Variants in MIER2 observed in about 807,000 individuals in gnomAD.
MIER2 encodes mesoderm induction early response protein 2.
Under a neutral mutation model 67.6 loss-of-function variants are expected in MIER2, and 30 were observed. The ratio of observed to expected loss-of-function variants is 0.44; its 90% CI spans 0.33 to 0.60. The LOEUF (loss-of-function observed/expected upper bound fraction) is 0.60. MIER2 is among the 20% of genes least tolerant of loss of function. The pLI, the probability that MIER2 is intolerant of heterozygous loss-of-function variation, is 0.02. For missense variants in MIER2, 702 were observed against 745.1 expected (o/e 0.94, Z 0.67); for synonymous variants, 372 against 312.6 (o/e 1.19, Z -2.00).
At position 338,097 on chromosome 19, in the gene MIER2, A is replaced by G. The variant is rs866706135; in HGVS notation, c.10-1924T>C. ...TGAGGCAGGAGGATCGCTTGAACCC[A>G]GGAGGCAGAGGTTGCAGTGAGCCGA... On this transcript the variant is annotated intron_variant, in intron 1 of 13. Coordinates refer to ENST00000264819, the MANE Select transcript of MIER2 (RefSeq NM_017550.3). Among the ~76,000 whole-genome samples the G allele has an allele frequency of 9.8e-4, 123 of 125,164 alleles. 1 individual carries two copies. Among genetic ancestry groups the G allele is most frequent in the African/African-American group, 3.3e-3 (111 of 33,322 alleles). The allele number at this position is 125,164 out of a possible 152,430, so 82.1% of individuals were successfully genotyped here. A position where few individuals can be genotyped will look rare whatever the true frequency, so the allele number is the denominator to read the frequency against.
chr19:311,793 C>A (rs1336374605), intron 10 of MIER2, 52 bp downstream of exon 10: 3 of 1,579,892 alleles, frequency 1.9e-6, no homozygotes, highest in Non-Finnish European at 2.6e-6. Context: ...GGACCCTGAG[C>A]CCCTCCCCAG....
chr19:341,813 A>G (rs1383699534), intron 1 of MIER2, among the ~76,000 whole-genome samples: 1 of 152,198 alleles, frequency 6.6e-6, no homozygotes, highest in Non-Finnish European at 1.5e-5. Context: ...TCCAGAGGAC[A>G]ACAGGCCACA....
At chr19:325,056 A>G (rs1041435802) in intron 7 of MIER2, among the ~76,000 whole-genome samples, 1 of 152,194 alleles carries the variant, frequency 6.6e-6, no homozygotes, top group Admixed American at 6.5e-5. Flanking sequence ...CACCTTGGAG[A>G]AGGCTCCTGA....
At chr19:310,418 C>G (rs964896189) in intron 10 of MIER2, among the ~76,000 whole-genome samples, 1 of 152,258 alleles carries the variant, frequency 6.6e-6, no homozygotes, top group African/African-American at 2.4e-5. Context: ...CGCACTGGCT[C>G]AGGCTGACCA....
At chr19:336,331 G>A (rs1292797138) in intron 1 of MIER2, 158 bp from the exon 2 acceptor site, 1 of 625,940 alleles carries the variant, frequency 1.6e-6, no homozygotes, top group Non-Finnish European at 2.8e-6. Flanking sequence ...GGCACTAGGA[G>A]CAGCACACGC....
intron 7 of MIER2, 64 bp from the exon 8 acceptor site, chr19:313,707 C>T: frequency 1.3e-6 from 2 of 1,563,408 alleles, no homozygotes; most frequent in Admixed American, 1.8e-5. Flanking sequence ...CACGCCAGGA[C>T]AAGCAAAGCA....
In MIER2 at chr19:324,257, A is replaced by G. The variant is rs192057061; in HGVS notation, c.655+1378T>C. Reference sequence around the variant, plus strand: ...ATACACAAGACACACACAACCACGCAGACAACTCGAATGACACAGGTGTCA... The same window carrying G: ...ATACACAAGACACACACAACCACGCGGACAACTCGAATGACACAGGTGTCA... On this transcript the variant is annotated intron_variant, in intron 7 of 13. Coordinates refer to ENST00000264819, the MANE Select transcript of MIER2 (RefSeq NM_017550.3). Among the ~76,000 whole-genome samples, 1,261 of 138,146 alleles carry G rather than the reference A, an allele frequency of 9.1e-3. 113 individuals carry two copies. The highest frequency in any genetic ancestry group is 0.035 in the African/African-American group (1,177 of 33,652). 90.6% of individuals were successfully genotyped at this position (138,146 alleles called of 152,430 possible). A position where few individuals can be genotyped will look rare whatever the true frequency, so the allele number is the denominator to read the frequency against.
At chr19:342,748 A>G (rs1255256660) in intron 1 of MIER2, among the ~76,000 whole-genome samples, 1 of 151,840 alleles carries the variant, frequency 6.6e-6, no homozygotes. Context: ...TACGGGTTAA[A>G]AACAGTGGAA....
intron 1 of MIER2, chr19:340,747 A>C (rs895728948): frequency 6.6e-6 from 1 of 152,538 alleles, no homozygotes; most frequent in Non-Finnish European, 1.5e-5. Context: ...CTGGCCCTGG[A>C]GTGACTCTGG....
chr19:319,358 T>TCA (rs201773231), intron 7 of MIER2, among the ~76,000 whole-genome samples: 2 of 152,008 alleles, frequency 1.3e-5, no homozygotes, highest in Admixed American at 6.6e-5. Flanking sequence ...CGAGACCCTG[T>TCA]CACACACACA....
chr19:320,282 G>A (rs1971445499), intron 7 of MIER2, among the ~76,000 whole-genome samples: 1 of 152,112 alleles, frequency 6.6e-6, no homozygotes, highest in Admixed American at 6.5e-5. Context: ...TCGGGAGACT[G>A]CAGCACGAGA....
chr19:317,301 G>A (rs1451907547), intron 7 of MIER2, among the ~76,000 whole-genome samples: 1 of 152,024 alleles, frequency 6.6e-6, no homozygotes, highest in Admixed American at 6.6e-5. Context: ...GCTGAGGCGG[G>A]CGGATCACGA....
In MIER2 at chr19:308,754, C is replaced by A. The variant is rs376365447; in HGVS notation, c.1109+47G>T. On this transcript the variant is annotated intron_variant, in intron 11 of 13. Transcript: ENST00000264819. The surrounding 1 kb of genome is among the most constrained non-coding windows in gnomAD (Gnocchi z 9.1). ...GCCCAGGCGCCCACGTGCCCACCCC[C>A]GGCGGGGTGGCCGCCTGTCGTTACT... The A allele has an allele frequency of 6.3e-7, 1 of 1,593,166 alleles. No individual in the cohort carries two copies. The highest frequency in any genetic ancestry group is 1.7e-5 in the Admixed American group (1 of 59,226).
intron 3 of MIER2, among the ~76,000 whole-genome samples, chr19:333,124 C>A (rs1972097778): frequency 1.1e-5 from 1 of 93,168 alleles, no homozygotes; most frequent in Admixed American, 1.2e-4. Context: ...TCCCGAGTAG[C>A]TGGGACTACA....
intron 1 of MIER2, among the ~76,000 whole-genome samples, chr19:337,496 G>A (rs1157733316): frequency 1.2e-4 from 18 of 152,138 alleles, no homozygotes; most frequent in Admixed American, 1.1e-3. Context: ...GCACCACAAC[G>A]TGTACTCTCA....
At chr19:322,990 G>C (rs528678013) in intron 7 of MIER2, among the ~76,000 whole-genome samples, 1 of 149,596 alleles carries the variant, frequency 6.7e-6, no homozygotes, top group South Asian at 2.1e-4. Context: ...CAAAAACCAT[G>C]GCATCCAAAC....
At chr19:327,035 G>A in intron 5 of MIER2, 98 bp downstream of exon 5, 6 of 1,474,626 alleles carry the variant, frequency 4.1e-6, no homozygotes, top group Non-Finnish European at 5.4e-6. Flanking sequence ...TCTGTGATGA[G>A]TTCTTGGCCT....
At chr19:328,888 A>G (rs1344260180) in intron 3 of MIER2, among the ~76,000 whole-genome samples, 1 of 152,264 alleles carries the variant, frequency 6.6e-6, no homozygotes, top group East Asian at 1.9e-4. Context: ...TGATTAACGA[A>G]CACTGTTTTG....
At chr19:323,109 C>T (rs1030328811) in intron 7 of MIER2, among the ~76,000 whole-genome samples, 2 of 151,874 alleles carry the variant, frequency 1.3e-5, no homozygotes, top group Admixed American at 6.6e-5. Flanking sequence ...GCAGACGACT[C>T]GAATGACACA....
Sources: allele counts gnomAD v4.1 joint callset (sites outside exome capture counted in the v4.1 genomes callset), GRCh38; gene constraint gnomAD v4.1.1; non-coding constraint Gnocchi (gnomAD v3.1); transcripts MANE v1.5; gene names NCBI Gene and HGNC (gene_info 2026-07-23, HGNC 2026-07-21).